MGA: variants seen among roughly 807,000 people sequenced by gnomAD.
MGA encodes MAX gene-associated protein.
MGA carries 40 observed loss-of-function variants against 261.1 expected under a neutral mutation model. That is an observed-to-expected ratio of 0.15 (90% CI 0.12 to 0.20). MGA has a LOEUF of 0.20. Among genes scored for constraint, MGA ranks in the 10% least tolerant of loss-of-function variants. The pLI, the probability that MGA is intolerant of heterozygous loss-of-function variation, is 1.00. For synonymous variants in MGA, 1,302 were observed against 1,290.6 expected (o/e 1.01, Z -0.19); for missense variants, 3,397 against 3,630.5 (o/e 0.94, Z 1.65).
At chr15:41,635,540 T>A (rs952233972) in intron 1 of MGA, among the ~76,000 whole-genome samples, 4 of 151,624 alleles carry the variant, frequency 2.6e-5, no homozygotes, top group Admixed American at 6.6e-5. Flanking sequence ...TAAAAAATTT[T>A]AAAAAATTAG....
rs773653972 is a variant in MGA at position 41,749,576 on chromosome 15, C to T, written c.5969C>T (p.Thr1990Met). The change falls in exon 17 of 24, where the codon ACG becomes ATG. Residue 1990 changes from threonine (T) to methionine (M), a missense_variant. By Grantham distance (81) the Thr-to-Met change is moderately conservative (BLOSUM62 -1). Coordinates refer to ENST00000219905, the MANE Select transcript of MGA (RefSeq NM_001164273.2). Reference sequence around the variant, plus strand: ...AACTCAATAAAAAGAGAGCAAGAAACGAAGAAGGTTCTACAGTCAGAAGGA... The same window carrying T: ...AACTCAATAAAAAGAGAGCAAGAAATGAAGAAGGTTCTACAGTCAGAAGGA... 6.3e-5 allele frequency: 102 copies of T among 1,613,714 alleles called. No individual in the cohort carries two copies. The highest frequency in any genetic ancestry group is 1.8e-4 in the Admixed American group (11 of 59,974).
Position 41,762,181 on chromosome 15 carries a change from G to C in MGA, c.7563G>C (p.Gln2521His). ...AGCTAGAGTATATTTATGCAAAACA[G>C]CAAGCACTAGAGGCACAAAAAAGAA... The change falls in exon 22 of 24, where the codon CAG becomes CAC. Residue 2521 changes from glutamine to histidine, a missense_variant. Transcript: ENST00000219905. 1 of 1,613,848 alleles carries C rather than the reference G, an allele frequency of 6.2e-7. No individual in the cohort carries two copies. Among genetic ancestry groups the C allele is most frequent in the Non-Finnish European group, 8.5e-7 (1 of 1,179,836 alleles).
At chr15:41,690,109 C>G (rs1157852723) in intron 2 of MGA, among the ~76,000 whole-genome samples, 1 of 152,156 alleles carries the variant, frequency 6.6e-6, no homozygotes, top group Non-Finnish European at 1.5e-5. Flanking sequence ...CACTCCCCAG[C>G]TCCACCCAAT....
Position 41,699,178 on chromosome 15 carries a change from C to CTT in MGA, c.2188+27_2188+28dup. 2 of 1,439,954 alleles carry CTT rather than the reference C, an allele frequency of 1.4e-6. No homozygotes were observed. Among genetic ancestry groups the CTT allele is most frequent in the Non-Finnish European group, 1.9e-6 (2 of 1,072,504 alleles). The allele number at this position is 1,439,954 out of a possible 1,614,324, so 89.2% of individuals were successfully genotyped here. A position where few individuals can be genotyped will look rare whatever the true frequency, so the allele number is the denominator to read the frequency against. ...CAAGAAGGTAATAGACTAGCGACTTCTTTTTTTTTGTTTTCTTTTTTTCTT... is the reference window on the plus strand; with the variant it reads ...CAAGAAGGTAATAGACTAGCGACTTCTTTTTTTTTTTGTTTTCTTTTTTTCTT... On this transcript the variant is annotated intron_variant, in intron 5 of 23. Coordinates refer to ENST00000219905, the MANE Select transcript of MGA (RefSeq NM_001164273.2).
Position 41,740,060 on chromosome 15 carries a change from C to T in MGA, c.4442C>T (p.Ser1481Phe). 6.2e-7 allele frequency: 1 copy of T among 1,614,044 alleles called. No homozygotes were observed. Among genetic ancestry groups the T allele is most frequent in the Non-Finnish European group, 8.5e-7 (1 of 1,179,894 alleles). Residue 1481 changes from serine to phenylalanine, a missense_variant, in exon 14 of 24, where the codon TCC becomes TTC. By Grantham distance (155) the Ser-to-Phe change is radical (BLOSUM62 -2). Around this residue, in one of 9 missense-constraint regions of MGA, gnomAD observed 1,410 missense variants for 1,386.4 expected, o/e 1.02. Transcript: ENST00000219905. The stretch of plus-strand genomic sequence containing the variant: ...AGTACTGTCATCTCCAAGGTAGCAT[C>T]CAATGCCAAGGTGGCTGCATCCAGG...
intron 21 of MGA, 83 bp from the exon 22 acceptor site, chr15:41,762,046 T>A: frequency 8.2e-7 from 1 of 1,225,548 alleles, no homozygotes; most frequent in Non-Finnish European, 1.1e-6. Context: ...GGAATATAGT[T>A]AAAGCAACTA....
chr15:41,655,057 C>T (rs955887420), intron 1 of MGA, among the ~76,000 whole-genome samples: 1 of 152,018 alleles, frequency 6.6e-6, no homozygotes, highest in African/African-American at 2.4e-5. Context: ...GGATTGGTTC[C>T]AAGATACTGT....
At position 41,672,866 on chromosome 15, in the gene MGA, GCACACACA is replaced by G. The variant is rs5812197; in HGVS notation, c.1064+2926_1064+2933del. On this transcript the variant is annotated intron_variant, in intron 2 of 23. Coordinates refer to ENST00000219905, the MANE Select transcript of MGA (RefSeq NM_001164273.2). ...TAAAAAATTATATACACATGCGTGT[GCACACACA>G]CACACACACACACACACTATTTTCC... 1.6e-3 allele frequency among the ~76,000 whole-genome samples: 237 copies of G among 150,400 alleles called. 1 individual carries two copies. Among genetic ancestry groups the G allele is most frequent in the African/African-American group, 4.7e-3 (193 of 40,988 alleles).
chr15:41,754,873 TCAGATTCTTTAC>T (rs775067080), intron 18 of MGA, among the ~76,000 whole-genome samples: 11 of 152,216 alleles, frequency 7.2e-5, no homozygotes, highest in Non-Finnish European at 1.6e-4. Context: ...TCTCTGAACC[TCAGATTCTTTAC>T]CTATGAAATG....
At position 41,674,813 on chromosome 15, in the gene MGA, C is replaced by T. The variant is rs143786412; in HGVS notation, c.1064+4855C>T. Among the ~76,000 whole-genome samples, 733 of 152,300 alleles carry T rather than the reference C, an allele frequency of 4.8e-3. 7 individuals carry two copies. Among genetic ancestry groups the T allele is most frequent in the African/African-American group, 0.017 (709 of 41,558 alleles). On this transcript the variant is annotated intron_variant, in intron 2 of 23. Transcript: ENST00000219905. ...GATTACAGGCGTGAGCCACGGCGCC[C>T]GGCCAATAGTGAATATTTTTAAAGC... is the stretch of plus-strand genomic sequence containing the variant.
intron 9 of MGA, among the ~76,000 whole-genome samples, chr15:41,726,225 C>T (rs534257047): frequency 6.6e-6 from 1 of 152,138 alleles, no homozygotes; most frequent in East Asian, 1.9e-4. Flanking sequence ...GGTTCTGCCT[C>T]TTACTGGTTG....
At chr15:41,739,164 A>G (rs1191246764) in intron 13 of MGA, among the ~76,000 whole-genome samples, 1 of 152,164 alleles carries the variant, frequency 6.6e-6, no homozygotes, top group Non-Finnish European at 1.5e-5. Flanking sequence ...CCCACAAAAA[A>G]CAACTGTGCT....
At position 41,757,792 on chromosome 15, in the gene MGA, T is replaced by C. The variant is rs979303882; in HGVS notation, c.7144T>C (p.Cys2382Arg). ...AAAAATCCTGTCTTTATCCAGGTCC[T>C]GTACTCACATCTCTGCAGATGAAAA... The change falls in exon 19 of 24, where the codon TGT becomes CGT. Residue 2382 changes from cysteine to arginine, a missense_variant. Coordinates refer to ENST00000219905, the MANE Select transcript of MGA (RefSeq NM_001164273.2). The C allele has an allele frequency of 1.1e-5, 18 of 1,609,654 alleles. 1 individual carries two copies. The highest frequency in any genetic ancestry group is 3.3e-4 in the Middle Eastern group (2 of 6,064).
chr15:41,766,721 T>G lies in MGA; in HGVS notation c.8639T>G (p.Leu2880Trp), dbSNP rs1194244390. 1 of 1,613,992 alleles carries G rather than the reference T, an allele frequency of 6.2e-7. No homozygotes were observed. Among genetic ancestry groups the G allele is most frequent in the Non-Finnish European group, 8.5e-7 (1 of 1,179,888 alleles). The change falls in exon 24 of 24, where the codon TTG becomes TGG. Residue 2880 changes from leucine to tryptophan, a missense_variant. Leu to Trp is a moderately conservative substitution (Grantham distance 61). Around this residue, in one of 9 missense-constraint regions of MGA, gnomAD observed 647 missense variants for 642.4 expected, o/e 1.01. Coordinates refer to ENST00000219905, the MANE Select transcript of MGA (RefSeq NM_001164273.2). ...AGAGCAACTTTCCAGGTTGAGCACT[T>G]GGGAACTGGTTTGAAAGAGTTGCCT...
chr15:41,650,784 GAGT>G (rs2057026951), intron 1 of MGA, among the ~76,000 whole-genome samples: 1 of 152,156 alleles, frequency 6.6e-6, no homozygotes, highest in Non-Finnish European at 1.5e-5. Context: ...TGATAGTGCA[GAGT>G]AGGGATCTAA....
intron 1 of MGA, among the ~76,000 whole-genome samples, chr15:41,639,584 G>A (rs894149604): frequency 5.6e-4 from 84 of 150,770 alleles, no homozygotes; most frequent in African/African-American, 1.8e-3. Context: ...TCGCTCTGTC[G>A]TCCAGGCTGG....
At chr15:41,762,062 C>G (rs1189527080) in intron 21 of MGA, 67 bp from the exon 22 acceptor site, 3 of 1,310,118 alleles carry the variant, frequency 2.3e-6, no homozygotes, top group East Asian at 2.5e-5. Flanking sequence ...AACTAGATTT[C>G]TGTTGACTCT....
chr15:41,749,719 C>T lies in MGA; in HGVS notation c.6112C>T (p.Pro2038Ser). 6.2e-7 allele frequency: 1 copy of T among 1,613,954 alleles called. No homozygotes were observed. Among genetic ancestry groups the T allele is most frequent in the Non-Finnish European group, 8.5e-7 (1 of 1,179,878 alleles). Residue 2038 changes from proline to serine, a missense_variant, in exon 17 of 24, where the codon CCA (proline) becomes TCA (serine). By Grantham distance (74) the Pro-to-Ser change is moderately conservative. Around this residue, in one of 9 missense-constraint regions of MGA, gnomAD observed 1,410 missense variants for 1,386.4 expected, o/e 1.02. Transcript: ENST00000219905. ...TGATCATTTGGATGAAGAATGCCTT[C>T]CAGAAGAAGGTTGTGCAACTGTCAA...
chr15:41,759,128 G>A (rs796572564), intron 19 of MGA, among the ~76,000 whole-genome samples: 2 of 152,254 alleles, frequency 1.3e-5, no homozygotes, highest in African/African-American at 4.8e-5. Context: ...TATTGTTGAT[G>A]AAATAAGAAA....
Sources: gnomAD v4.1 joint callset for allele counts (sites outside exome capture counted in the v4.1 genomes callset) on GRCh38, gnomAD v4.1.1 for gene constraint, gnomAD v4.1.1 regional missense constraint, MANE v1.5 for transcripts, NCBI Gene and HGNC (gene_info 2026-07-23, HGNC 2026-07-21) for gene names.